The following LTBP1 variants were observed in gnomAD, a reference collection of about 807,000 sequenced individuals.
The protein encoded by LTBP1 is latent-transforming growth factor beta-binding protein 1.
In LTBP1, 129 loss-of-function variants were observed where a neutral mutation model predicts 207.6. The observed-to-expected ratio is 0.62, with a 90% CI of 0.54 to 0.72. The LOEUF is 0.72. LTBP1 is among the 30% of genes least tolerant of loss of function. LTBP1 has a pLI of 0.00. For synonymous variants in LTBP1, 963 were observed against 833.7 expected, an observed-to-expected ratio of 1.16 and a Z score of -2.67; for missense variants, 2,281 against 2,217.2, an observed-to-expected ratio of 1.03 and a Z score of -0.58.
chr2:33,104,958 T>C (rs1260181306), intron 3 of LTBP1, among the ~76,000 whole-genome samples: 1 of 152,232 alleles, frequency 6.6e-6, no homozygotes, highest in Admixed American at 6.5e-5. Context: ...TTCAAGTTGC[T>C]GGAATCCTTC....
intron 9 of LTBP1, among the ~76,000 whole-genome samples, chr2:33,239,550 T>C (rs1431295148): frequency 6.6e-6 from 1 of 152,148 alleles, no homozygotes; most frequent in Non-Finnish European, 1.5e-5. Context: ...TAAAATACTT[T>C]TGATTTAGTT....
chr2:33,027,897 G>A (rs559572605), intron 3 of LTBP1, among the ~76,000 whole-genome samples: 1 of 152,128 alleles, frequency 6.6e-6, no homozygotes, highest in Non-Finnish European at 1.5e-5. Flanking sequence ...AGCCCAACTG[G>A]ATATAGCAGT....
intron 15 of LTBP1, among the ~76,000 whole-genome samples, chr2:33,271,395 C>A (rs917296202): frequency 4.0e-5 from 6 of 151,738 alleles, no homozygotes; most frequent in African/African-American, 1.5e-4. Context: ...CGGGAAAAAA[C>A]CCAAGAAATC....
chr2:33,329,162 T>C lies in LTBP1; in HGVS notation c.3731-13676T>C, dbSNP rs374507310. ...GGTTAAGAGTCTCAGATCCACATTA[T>C]CATCAATAATTGGTATTGTCATTCC... On this transcript the variant is annotated intron_variant, in intron 24 of 33. Transcript: ENST00000404816. Among the ~76,000 whole-genome samples, 26 of 152,342 alleles carry C rather than the reference T, an allele frequency of 1.7e-4. 1 individual carries two copies. Among genetic ancestry groups the C allele is most frequent in the African/African-American group, 1.4e-4 (6 of 41,580 alleles).
At chr2:33,370,502 G>A (rs865806968) in intron 31 of LTBP1, among the ~76,000 whole-genome samples, 1 of 152,150 alleles carries the variant, frequency 6.6e-6, no homozygotes, top group South Asian at 2.1e-4. Flanking sequence ...TGCTGCTGCT[G>A]CTTCCTCTGA....
intron 24 of LTBP1, among the ~76,000 whole-genome samples, chr2:33,341,752 T>TATATATA (rs2094628044): frequency 7.5e-6 from 1 of 133,602 alleles, no homozygotes; most frequent in South Asian, 2.4e-4. Context: ...ATATGTATAT[T>TATATATA]TATATATAAA....
At chr2:33,358,033 A>G (rs1328146902) in intron 26 of LTBP1, among the ~76,000 whole-genome samples, 1 of 152,200 alleles carries the variant, frequency 6.6e-6, no homozygotes, top group Non-Finnish European at 1.5e-5. Context: ...TAGGAAGTTA[A>G]TTACTTAAAG....
At chr2:33,284,945 A>G (rs1168923429) in intron 19 of LTBP1, among the ~76,000 whole-genome samples, 2 of 151,964 alleles carry the variant, frequency 1.3e-5, no homozygotes, top group Non-Finnish European at 2.9e-5. Flanking sequence ...TTTTTCCCCA[A>G]CTATTACCCT....
chr2:33,125,251 C>T (rs2081360438), intron 4 of LTBP1, among the ~76,000 whole-genome samples: 1 of 152,216 alleles, frequency 6.6e-6, no homozygotes, highest in African/African-American at 2.4e-5. Context: ...TGTTCCCTAG[C>T]AGAATGACCG....
intron 4 of LTBP1, among the ~76,000 whole-genome samples, chr2:33,112,419 G>A (rs538200832): frequency 1.3e-5 from 2 of 152,262 alleles, no homozygotes; most frequent in Non-Finnish European, 1.5e-5. Context: ...TATCTTTCCC[G>A]CTCATCCTGT....
intron 7 of LTBP1, among the ~76,000 whole-genome samples, chr2:33,189,343 G>A (rs1023859476): frequency 4.6e-5 from 7 of 152,108 alleles, no homozygotes; most frequent in African/African-American, 9.7e-5. Context: ...TTATAGGCAC[G>A]TGCCACCACT....
intron 5 of LTBP1, among the ~76,000 whole-genome samples, chr2:33,185,594 C>G (rs2087113570): frequency 6.6e-6 from 1 of 152,010 alleles, no homozygotes; most frequent in Admixed American, 6.6e-5. Context: ...GTAAAGAGAG[C>G]AGAGTCTGCA....
chr2:32,963,017 G>C (rs1055472625), intron 2 of LTBP1, among the ~76,000 whole-genome samples: 10 of 152,214 alleles, frequency 6.6e-5, no homozygotes, highest in African/African-American at 2.4e-4. Flanking sequence ...GTGATGAGGG[G>C]GACAGGGAAA....
At chr2:33,336,098 G>A (rs2094550953) in intron 24 of LTBP1, among the ~76,000 whole-genome samples, 1 of 152,122 alleles carries the variant, frequency 6.6e-6, no homozygotes, top group Admixed American at 6.6e-5. Context: ...CAAGTATGAT[G>A]ATATTTCTTG....
chr2:33,316,400 G>A (rs1353009037), intron 24 of LTBP1, among the ~76,000 whole-genome samples: 1 of 152,192 alleles, frequency 6.6e-6, no homozygotes, highest in Non-Finnish European at 1.5e-5. Context: ...TACCAGAATG[G>A]AACCAAGCCG....
At chr2:32,978,893 CT>C (rs1286992454) in intron 2 of LTBP1, among the ~76,000 whole-genome samples, 3 of 151,670 alleles carry the variant, frequency 2.0e-5, no homozygotes, top group Non-Finnish European at 2.9e-5. Flanking sequence ...ATTACTCAGT[CT>C]GTTCAGGTTT....
intron 5 of LTBP1, among the ~76,000 whole-genome samples, chr2:33,178,317 C>T (rs2086271081): frequency 6.6e-6 from 1 of 152,056 alleles, no homozygotes; most frequent in African/African-American, 2.4e-5. Flanking sequence ...ATATGGAGCT[C>T]CTTAGGTTAT....
At chr2:33,378,465 C>T (rs1055943812) in intron 31 of LTBP1, among the ~76,000 whole-genome samples, 1 of 152,062 alleles carries the variant, frequency 6.6e-6, no homozygotes, top group Non-Finnish European at 1.5e-5. Context: ...CTCCTGAGCT[C>T]AGGCAATCCA....
chr2:33,085,490 T>G (rs189638040), intron 3 of LTBP1, among the ~76,000 whole-genome samples: 45 of 152,360 alleles, frequency 3.0e-4, no homozygotes, highest in Non-Finnish European at 5.4e-4. Flanking sequence ...TCAGATGTAT[T>G]TCATATCACA....
Sources: gnomAD v4.1 joint callset for allele counts (sites outside exome capture counted in the v4.1 genomes callset) on GRCh38, gnomAD v4.1.1 for gene constraint, MANE v1.5 for transcripts, NCBI Gene and HGNC (gene_info 2026-07-23, HGNC 2026-07-21) for gene names.